The following SETD6 variants were observed in gnomAD, a reference collection of about 807,000 sequenced individuals.
SETD6 encodes N-lysine methyltransferase SETD6.
Under a neutral mutation model 52.7 loss-of-function variants are expected in SETD6, and 67 were observed. That is an observed-to-expected ratio of 1.27 (90% CI 1.04 to 1.56). The LOEUF (loss-of-function observed/expected upper bound fraction) is 1.56, where lower values mean the gene tolerates loss of function less well. Ranked by LOEUF, SETD6 falls within the 40% of genes most tolerant of loss-of-function variation. The pLI is 0.00. For synonymous variants in SETD6, 307 were observed against 250.2 expected, an observed-to-expected ratio of 1.23 and a Z score of -2.14; for missense variants, 712 against 607.5, an observed-to-expected ratio of 1.17 and a Z score of -1.81.
chr16:58,516,895 AGCCAATCACAAC>A lies in SETD6; in HGVS notation c.767_778del (p.His256_Asn259del). 6.2e-7 allele frequency: 1 copy of A among 1,614,136 alleles called. No individual in the cohort carries two copies. The highest frequency in any genetic ancestry group is 8.5e-7 in the Non-Finnish European group (1 of 1,180,030). ...CTGCTGCAGACATACTAAACCACTT[AGCCAATCACAAC>A]GCCAATCTAGAATACTCTGCGGTGA... On this transcript the variant is annotated inframe_deletion, in exon 5 of 8. Coordinates refer to ENST00000219315, the MANE Select transcript of SETD6 (RefSeq NM_001160305.4).
Position 58,517,636 on chromosome 16 carries a change from G to A in SETD6, c.793-415G>A, listed in dbSNP as rs552422553. 1.6e-4 allele frequency: 35 copies of A among 213,402 alleles called. No homozygotes were observed. The East Asian group carries it at 2.3e-3, about 14-fold the overall frequency. 13.2% of individuals were successfully genotyped at this position (213,402 alleles called of 1,614,324 possible). A position where few individuals can be genotyped will look rare whatever the true frequency, so the allele number is the denominator to read the frequency against. Reference sequence around the variant, plus strand: ...ATTACAGGCTCCTGCCACCATGCCCGGCTAATTTTTGTATTTTTTAGTAGG... The same window carrying A: ...ATTACAGGCTCCTGCCACCATGCCCAGCTAATTTTTGTATTTTTTAGTAGG... On this transcript the variant is annotated intron_variant, in intron 5 of 7. Transcript: ENST00000219315.
Position 58,516,791 on chromosome 16 carries a change from G to C in SETD6, c.672-17G>C. 2 of 1,614,212 alleles carry C rather than the reference G, an allele frequency of 1.2e-6. No homozygotes were observed. Among genetic ancestry groups the C allele is most frequent in the Non-Finnish European group, 1.7e-6 (2 of 1,180,038 alleles). On this transcript the variant is annotated splice_polypyrimidine_tract_variant and intron_variant, in intron 4 of 7. Transcript: ENST00000219315. ...CTCACCCAAGACAGGGCCTTAGCCA[G>C]GTTCTGTCAATGGCAGCTTTCAGGA... is the stretch of plus-strand genomic sequence containing the variant.
rs747073944 is a variant in SETD6 at position 58,515,583 on chromosome 16, G to A, written c.27+19G>A. On this transcript the variant is annotated intron_variant, in intron 1 of 7. Transcript: ENST00000219315. ...TCCACGGGTGAGTGGCGGGCGCGGG[G>A]TCCAGCCTTTTCCTCCGCGCCTCAC... The A allele has an allele frequency of 5.1e-6, 8 of 1,553,432 alleles. No homozygotes were observed. The highest frequency in any genetic ancestry group is 1.9e-5 in the Admixed American group (1 of 52,614).
intron 5 of SETD6, 57 bp from the exon 6 acceptor site, chr16:58,517,994 A>G: frequency 6.2e-7 from 1 of 1,609,596 alleles, no homozygotes; most frequent in East Asian, 2.2e-5. Flanking sequence ...AGTGGAAATA[A>G]TCTTCATGGG....
At position 58,523,334 on chromosome 16, in the gene SETD6, C is replaced by G; in HGVS notation, c.*4305C>G. On this transcript the variant is annotated 3_prime_UTR_variant, in exon 8 of 8. Coordinates refer to ENST00000219315, the MANE Select transcript of SETD6 (RefSeq NM_001160305.4). ...AAAAAAAGATGAAAGGGAGGAGATC[C>G]TTTTGAAGCATTTAAAAAATAAGCT... 6.4e-7 allele frequency: 1 copy of G among 1,552,306 alleles called. No homozygotes were observed. Among genetic ancestry groups the G allele is most frequent in the Non-Finnish European group, 8.7e-7 (1 of 1,147,648 alleles).
Position 58,520,941 on chromosome 16 carries a change from C to G in SETD6, c.*1912C>G. ...GAGACCTCTAGACTGACACGTACAA[C>G]AGAGATGCAGTTTCGTCTAACTGGC... On this transcript the variant is annotated 3_prime_UTR_variant, in exon 8 of 8. Coordinates refer to ENST00000219315, the MANE Select transcript of SETD6 (RefSeq NM_001160305.4). The G allele has an allele frequency of 1.2e-6, 2 of 1,611,666 alleles. No individual in the cohort carries two copies. The highest frequency in any genetic ancestry group is 3.3e-5 in the Admixed American group (2 of 60,022).
intron 3 of SETD6, 65 bp from the exon 4 acceptor site, chr16:58,516,413 C>T (rs1197088592): frequency 1.9e-6 from 3 of 1,613,072 alleles, no homozygotes; most frequent in African/African-American, 2.7e-5. Flanking sequence ...CCCGCCCCTG[C>T]ACCAGTCCTA....
chr16:58,523,248 AAAAC>A lies in SETD6; in HGVS notation c.*4223_*4226del. 8.6e-7 allele frequency: 1 copy of A among 1,157,422 alleles called. No homozygotes were observed. The highest frequency in any genetic ancestry group is 1.2e-6 in the Non-Finnish European group (1 of 847,494). 71.7% of individuals were successfully genotyped at this position (1,157,422 alleles called of 1,614,324 possible). Reference sequence around the variant, plus strand: ...TGACAGAGCAACACTCCGTCTCAAAAAAACAAAAAAAAAACCAACCAAACGGATT... The same window carrying A: ...TGACAGAGCAACACTCCGTCTCAAAAAAAAAAAAAACCAACCAAACGGATT... On this transcript the variant is annotated 3_prime_UTR_variant, in exon 8 of 8. Coordinates refer to ENST00000219315, the MANE Select transcript of SETD6 (RefSeq NM_001160305.4).
rs1423855158 is a variant in SETD6 at position 58,519,845 on chromosome 16, TTGG to T, written c.*821_*823del. 1.3e-5 allele frequency: 2 copies of T among 152,174 alleles called. No homozygotes were observed. The highest frequency in any genetic ancestry group is 4.8e-5 in the African/African-American group (2 of 41,440). 9.4% of individuals were successfully genotyped at this position (152,174 alleles called of 1,614,324 possible). ...AATCAATCATTCAGCAAGAAGTTAG[TTGG>T]TGGTTCCCCATGGCCCCAAGGTCTG... On this transcript the variant is annotated 3_prime_UTR_variant, in exon 8 of 8. Coordinates refer to ENST00000219315, the MANE Select transcript of SETD6 (RefSeq NM_001160305.4).
At chr16:58,518,623 G>A (rs2039256427) in intron 7 of SETD6, 80 bp downstream of exon 7, 2 of 1,527,640 alleles carry the variant, frequency 1.3e-6, no homozygotes, top group Admixed American at 2.1e-5. Flanking sequence ...GAGAGGAAAT[G>A]TGGGATTTTT....
At chr16:58,517,059 A>T (rs771239199) in intron 5 of SETD6, 131 bp downstream of exon 5, 32 of 1,306,064 alleles carry the variant, frequency 2.5e-5, no homozygotes, top group Non-Finnish European at 7.7e-6. Flanking sequence ...TTTAGTATGC[A>T]TATTACTGTA....
Position 58,519,318 on chromosome 16 carries a change from T to C in SETD6, c.*289T>C. 3.1e-6 allele frequency: 1 copy of C among 319,084 alleles called. No homozygotes were observed. The highest frequency in any genetic ancestry group is 4.7e-5 in the South Asian group (1 of 21,114). 19.8% of individuals were successfully genotyped at this position (319,084 alleles called of 1,614,324 possible). A position where few individuals can be genotyped will look rare whatever the true frequency, so the allele number is the denominator to read the frequency against. On this transcript the variant is annotated 3_prime_UTR_variant, in exon 8 of 8. Transcript: ENST00000219315. ...GACATACGGTAGTAATAAGTAAGTC[T>C]TGTTGTGTTTCAGCATTTAATAATA...
In SETD6 at chr16:58,523,510, T is replaced by G; in HGVS notation, c.*4481T>G. On this transcript the variant is annotated 3_prime_UTR_variant, in exon 8 of 8. Coordinates refer to ENST00000219315, the MANE Select transcript of SETD6 (RefSeq NM_001160305.4). ...TCAAAAAGAGATAGCGACCTAGAAA[T>G]TAAGAAACCTTGACTTAGGACTTAG... The G allele has an allele frequency of 6.2e-7, 1 of 1,613,632 alleles. No homozygotes were observed. Among genetic ancestry groups the G allele is most frequent in the Non-Finnish European group, 8.5e-7 (1 of 1,179,754 alleles).
rs2039426166 is a variant in SETD6, at chr16:58,522,378, G to A, written c.*3349G>A. Among the ~76,000 whole-genome samples, 1 of 150,690 alleles carries A rather than the reference G, an allele frequency of 6.6e-6. No individual in the cohort carries two copies. Among genetic ancestry groups the A allele is most frequent in the Admixed American group, 6.6e-5 (1 of 15,054 alleles). On this transcript the variant is annotated 3_prime_UTR_variant, in exon 8 of 8. Coordinates refer to ENST00000219315, the MANE Select transcript of SETD6 (RefSeq NM_001160305.4). ...CCAACTGTACATGAAGCATAACAAA[G>A]ATTACAAGTCCAAGGAGACTTACTG... is the stretch of plus-strand genomic sequence containing the variant.
At position 58,521,057 on chromosome 16, in the gene SETD6, C is replaced by T. The variant is rs757513240; in HGVS notation, c.*2028C>T. 2 of 1,614,114 alleles carry T rather than the reference C, an allele frequency of 1.2e-6. No homozygotes were observed. Among genetic ancestry groups the T allele is most frequent in the South Asian group, 1.1e-5 (1 of 91,086 alleles). ...ATAACCTGAAGGATGAAGACAGTTA[C>T]AAATCTCTGATTAAAGAGTAGGCCT... On this transcript the variant is annotated 3_prime_UTR_variant, in exon 8 of 8. Coordinates refer to ENST00000219315, the MANE Select transcript of SETD6 (RefSeq NM_001160305.4).
At chr16:58,517,468 CG>C (rs2151878634) in intron 5 of SETD6, 1 of 172,414 alleles carries the variant, frequency 5.8e-6, no homozygotes, top group African/African-American at 2.4e-5. Context: ...CTTTGATCTG[CG>C]AAAGTTCCAT....
chr16:58,516,025 CTGT>C lies in SETD6; in HGVS notation c.267_269del (p.Leu89del), dbSNP rs764158792. The C allele has an allele frequency of 3.9e-6, 6 of 1,536,714 alleles. No homozygotes were observed. The highest frequency in any genetic ancestry group is 5.2e-6 in the Non-Finnish European group (6 of 1,152,866). On this transcript the variant is annotated inframe_deletion, in exon 2 of 8. Transcript: ENST00000219315. ...CCGGGAGAGCGTGCAGGCCGGAGAGCTGTTGTTCGTGGTGCCGCGGGCCGCGCT... is the reference window on the plus strand; with the variant it reads ...CCGGGAGAGCGTGCAGGCCGGAGAGCTGTTCGTGGTGCCGCGGGCCGCGCT...
rs1482282676 is a variant in SETD6, at chr16:58,523,447, G to A, written c.*4418G>A. 1 of 1,614,040 alleles carries A rather than the reference G, an allele frequency of 6.2e-7. No individual in the cohort carries two copies. Among genetic ancestry groups the A allele is most frequent in the South Asian group, 1.1e-5 (1 of 91,078 alleles). On this transcript the variant is annotated 3_prime_UTR_variant, in exon 8 of 8. Transcript: ENST00000219315. ...GCATGGTGCAACTGAAGTAGTGAGT[G>A]TGGCTATTTGGGTACCGGAGCTGAT...
rs56149974 is a variant in SETD6 at position 58,522,237 on chromosome 16, C to CAAAAAAAAAA, written c.*3229_*3238dup. Among the ~76,000 whole-genome samples, 5 of 98,592 alleles carry CAAAAAAAAAA rather than the reference C, an allele frequency of 5.1e-5. No homozygotes were observed. Among genetic ancestry groups the CAAAAAAAAAA allele is most frequent in the African/African-American group, 2.1e-4 (5 of 23,634 alleles). 64.7% of individuals were successfully genotyped at this position (98,592 alleles called of 152,430 possible). A position where few individuals can be genotyped will look rare whatever the true frequency, so the allele number is the denominator to read the frequency against. ...AGGAGGCGACAAAGCGAGACTGTCTCAAAAAAAAAAAAAAAAAAAAAAAAA... is the reference window on the plus strand; with the variant it reads ...AGGAGGCGACAAAGCGAGACTGTCTCAAAAAAAAAAAAAAAAAAAAAAAAAAAAAAAAAAA... On this transcript the variant is annotated 3_prime_UTR_variant, in exon 8 of 8. Coordinates refer to ENST00000219315, the MANE Select transcript of SETD6 (RefSeq NM_001160305.4).
Sources: allele counts gnomAD v4.1 joint callset (sites outside exome capture counted in the v4.1 genomes callset), GRCh38; gene constraint gnomAD v4.1.1; transcripts MANE v1.5; gene names NCBI Gene and HGNC (gene_info 2026-07-23, HGNC 2026-07-21).